Variants in CR1L observed in about 807,000 individuals in gnomAD.
CR1L encodes the protein complement component receptor 1-like protein.
CR1L carries 59 observed loss-of-function variants against 62.3 expected under a neutral mutation model. The observed-to-expected ratio is 0.95, with a 90% CI of 0.77 to 1.18. The LOEUF is 1.18. CR1L is among the 50% of genes most tolerant of loss of function. The pLI, the probability that CR1L is intolerant of heterozygous loss-of-function variation, is 0.00. For synonymous variants in CR1L, 279 were observed against 248.7 expected, an observed-to-expected ratio of 1.12 and a Z score of -1.15; for missense variants, 700 against 702.8, an observed-to-expected ratio of 1.00 and a Z score of 0.04.
intron 1 of CR1L, among the ~76,000 whole-genome samples, chr1:207,670,342 T>A (rs1282848116): frequency 6.6e-6 from 1 of 151,228 alleles, no homozygotes; most frequent in Non-Finnish European, 1.5e-5. Flanking sequence ...GAAGGGACAG[T>A]AGATATGTTT....
intron 1 of CR1L, 24 bp downstream of exon 1, chr1:207,645,354 G>A: frequency 6.2e-7 from 1 of 1,612,148 alleles, no homozygotes; most frequent in Non-Finnish European, 8.5e-7. Context: ...GTGGATTCGC[G>A]CGTCCGCGGC....
chr1:207,695,372 C>A (rs1311347098), intron 5 of CR1L, among the ~76,000 whole-genome samples: 2 of 152,154 alleles, frequency 1.3e-5, no homozygotes, highest in Non-Finnish European at 2.9e-5. Context: ...TGAAGCAATC[C>A]ACCCACCTGG....
At position 207,669,530 on chromosome 1, in the gene CR1L, C is replaced by T; in HGVS notation, c.98-7859C>T. 3.2e-6 allele frequency: 5 copies of T among 1,576,186 alleles called. No individual in the cohort carries two copies. In the South Asian group the frequency reaches 5.6e-5, roughly 18 times the overall value. On this transcript the variant is annotated intron_variant, in intron 1 of 11. Transcript: ENST00000508064. ...TTCTGCTGCGGAGGATCCCTGCTGG[C>T]GGTCGTGGTGCTGCTCGCGCTGCCG...
At chr1:207,661,629 C>A (rs1330913109) in intron 1 of CR1L, among the ~76,000 whole-genome samples, 1 of 152,112 alleles carries the variant, frequency 6.6e-6, no homozygotes. Flanking sequence ...TTAATTGGAG[C>A]ATTTAGCCCA....
chr1:207,715,666 G>C (rs546171969), intron 10 of CR1L, among the ~76,000 whole-genome samples: 1 of 151,994 alleles, frequency 6.6e-6, no homozygotes, highest in African/African-American at 2.4e-5. Flanking sequence ...ATTTTAGTCA[G>C]TCATTTATTT....
At chr1:207,657,293 T>C (rs1663332018) in intron 1 of CR1L, 8 of 1,403,820 alleles carry the variant, frequency 5.7e-6, no homozygotes, top group Middle Eastern at 1.8e-4. Flanking sequence ...CAATTCAGTA[T>C]GGAATCATGC....
At chr1:207,652,733 A>G in intron 1 of CR1L, 1 of 807,538 alleles carries the variant, frequency 1.2e-6, no homozygotes, top group South Asian at 1.4e-5. Context: ...GAGCCCTGTT[A>G]TAGTAAATAA....
rs1044589184 is a variant in CR1L at position 207,681,724 on chromosome 1, A to C, written c.378-2148A>C. 5.3e-5 allele frequency among the ~76,000 whole-genome samples: 8 copies of C among 152,156 alleles called. No homozygotes were observed. The East Asian group carries it at 5.8e-4, about 11-fold the overall frequency. On this transcript the variant is annotated intron_variant, in intron 3 of 11. Coordinates refer to ENST00000508064, the MANE Select transcript of CR1L (RefSeq NM_175710.2). ...CCATGATTAGAAAATCAAAAAGAAC[A>C]CTTTGAGAAATAACCTCAGTGGGGT...
rs145672000 is a variant in CR1L, at chr1:207,722,922, C to T, written c.1643-696C>T. Among the ~76,000 whole-genome samples the T allele has an allele frequency of 5.4e-3, 825 of 152,056 alleles. 9 individuals are homozygous for T. The highest frequency in any genetic ancestry group is 0.019 in the African/African-American group (776 of 41,474). ...AGAAAGAAAACTAGAAATAAATGCA[C>T]AATAGAAGTCATTGAATATACTATG... is the stretch of plus-strand genomic sequence containing the variant. On this transcript the variant is annotated intron_variant, in intron 11 of 11. Transcript: ENST00000508064.
intron 5 of CR1L, among the ~76,000 whole-genome samples, chr1:207,696,068 A>T (rs1161516249): frequency 1.3e-5 from 2 of 152,304 alleles, no homozygotes; most frequent in East Asian, 3.9e-4. Flanking sequence ...TAGCAATAGG[A>T]CGAAGGCAGA....
chr1:207,669,485 A>C lies in CR1L; in HGVS notation c.98-7904A>C, dbSNP rs1262942080. On this transcript the variant is annotated intron_variant, in intron 1 of 11. Coordinates refer to ENST00000508064, the MANE Select transcript of CR1L (RefSeq NM_175710.2). ...CCGAGAAGCCGGGAGCCTGTTGGGC[A>C]GCCGGCGCCCGGTCTCCCCTTCTGC... 18 of 1,576,866 alleles carry C rather than the reference A, an allele frequency of 1.1e-5. 2 individuals carry two copies. The African/African-American group carries it at 1.3e-4, about 11-fold the overall frequency.
At chr1:207,707,349 C>T (rs536065956) in intron 9 of CR1L, among the ~76,000 whole-genome samples, 15 of 152,316 alleles carry the variant, frequency 9.8e-5, no homozygotes, top group East Asian at 1.9e-4. Flanking sequence ...ATGACAAGGC[C>T]GAGCACAGTG....
intron 11 of CR1L, among the ~76,000 whole-genome samples, chr1:207,719,987 A>G (rs1479087611): frequency 1.3e-5 from 2 of 152,240 alleles, no homozygotes; most frequent in East Asian, 3.8e-4. Flanking sequence ...ATATTTAAGT[A>G]CTGTCATAAT....
intron 1 of CR1L, among the ~76,000 whole-genome samples, chr1:207,665,919 A>G (rs1340186399): frequency 6.6e-6 from 1 of 152,168 alleles, no homozygotes; most frequent in Non-Finnish European, 1.5e-5. Context: ...GTGAGCTAAG[A>G]CTATACATCC....
chr1:207,677,249 T>C, intron 1 of CR1L, 140 bp from the exon 2 acceptor site: 1 of 786,150 alleles, frequency 1.3e-6, no homozygotes, highest in Non-Finnish European at 1.8e-6. Flanking sequence ...CTTGAACCTG[T>C]GAGGCAGAGG....
chr1:207,679,249 C>G (rs1006884060), intron 3 of CR1L, among the ~76,000 whole-genome samples: 8 of 150,464 alleles, frequency 5.3e-5, no homozygotes, highest in African/African-American at 2.0e-4. Context: ...ATGATCCGCC[C>G]ACCTCCCGGC....
At chr1:207,686,086 T>C (rs112269540) in intron 4 of CR1L, among the ~76,000 whole-genome samples, 7,969 of 26,352 alleles carry the variant, frequency 0.3, 1,320 homozygotes, top group East Asian at 0.56. Flanking sequence ...CTCCCTCCCT[T>C]CCTCCCTCCT....
intron 10 of CR1L, among the ~76,000 whole-genome samples, chr1:207,716,505 C>CT (rs892509862): frequency 2.6e-4 from 40 of 151,854 alleles, no homozygotes; most frequent in Non-Finnish European, 5.0e-4. Context: ...TTTTTTAAAC[C>CT]TTTTTTTTCT....
chr1:207,677,593 C>A lies in CR1L; in HGVS notation c.277+25C>A, dbSNP rs114626298. On this transcript the variant is annotated intron_variant, in intron 2 of 11. Transcript: ENST00000508064. ...CGTAAGTAACTCTGGAGTGGGAACC[C>A]CTCTGTTAGTCAAACATCTGTAAGA... is the stretch of plus-strand genomic sequence containing the variant. 5.1e-5 allele frequency: 81 copies of A among 1,601,630 alleles called. No individual in the cohort carries two copies. The East Asian group carries it at 1.8e-3, about 35-fold the overall frequency.
Sources: gnomAD v4.1 joint callset for allele counts (sites outside exome capture counted in the v4.1 genomes callset) on GRCh38, gnomAD v4.1.1 for gene constraint, MANE v1.5 for transcripts, NCBI Gene and HGNC (gene_info 2026-07-23, HGNC 2026-07-21) for gene names.